NETO1: variants seen among roughly 807,000 people sequenced by gnomAD.
NETO1 encodes the protein neuropilin and tolloid like 1, also known as neuropilin and tolloid-like protein 1.
NETO1 carries 26 observed loss-of-function variants against 61.3 expected under a neutral mutation model. The ratio of observed to expected loss-of-function variants is 0.42; its 90% CI spans 0.31 to 0.59. NETO1 has a LOEUF of 0.59. NETO1 is among the 20% of genes least tolerant of loss of function. NETO1 has a pLI of 0.12. For missense variants in NETO1, 531 were observed against 662.8 expected (o/e 0.80, Z 2.18); for synonymous variants, 225 against 225.8 (o/e 1.00, Z 0.03).
At chr18:72,834,946 A>G (rs1398017531) in intron 4 of NETO1, 2 of 752,040 alleles carry the variant, frequency 2.7e-6, no homozygotes, top group African/African-American at 3.8e-5. Flanking sequence ...AAAATAATAT[A>G]TTACATAAAA....
At position 72,744,446 on chromosome 18, in the gene NETO1, A is replaced by T. The variant is rs983529751; in HGVS notation, c.*3733T>A. On this transcript the variant is annotated 3_prime_UTR_variant, in exon 11 of 11. Transcript: ENST00000327305. ...TGGGAAATATTAATTAAGTGCATAG[A>T]GATTGATAATTAACTCAAGACCTGT... 2.0e-5 allele frequency: 3 copies of T among 152,178 alleles called. No homozygotes were observed. Among genetic ancestry groups the T allele is most frequent in the African/African-American group, 7.2e-5 (3 of 41,452 alleles). The allele number at this position is 152,178 out of a possible 1,614,324, so 9.4% of individuals were successfully genotyped here.
chr18:72,798,230 T>C (rs1458979250), intron 4 of NETO1, among the ~76,000 whole-genome samples: 2 of 152,110 alleles, frequency 1.3e-5, no homozygotes, highest in African/African-American at 4.8e-5. Context: ...TCCTGTCAAG[T>C]CAGCAGCAGC....
intron 7 of NETO1, among the ~76,000 whole-genome samples, chr18:72,774,943 T>C (rs1261888889): frequency 6.6e-6 from 1 of 152,204 alleles, no homozygotes; most frequent in Admixed American, 6.5e-5. Context: ...GGTGATAATA[T>C]TGATTTTCTT....
intron 3 of NETO1, among the ~76,000 whole-genome samples, chr18:72,863,915 G>A (rs935171824): frequency 2.6e-5 from 4 of 152,048 alleles, no homozygotes; most frequent in Non-Finnish European, 5.9e-5. Context: ...CATTTTAAAC[G>A]TTGTACTTAA....
intron 10 of NETO1, among the ~76,000 whole-genome samples, chr18:72,748,526 A>G (rs1357144278): frequency 6.6e-6 from 1 of 152,152 alleles, no homozygotes; most frequent in Non-Finnish European, 1.5e-5. Flanking sequence ...TCATGCAAAA[A>G]TAAGAGTCTA....
At chr18:72,793,278 A>T (rs962474090) in intron 6 of NETO1, among the ~76,000 whole-genome samples, 4 of 152,156 alleles carry the variant, frequency 2.6e-5, no homozygotes, top group African/African-American at 9.7e-5. Flanking sequence ...ATATAAACCA[A>T]AACAGGAGAA....
At chr18:72,791,638 T>A (rs1568203311) in intron 6 of NETO1, among the ~76,000 whole-genome samples, 2 of 152,204 alleles carry the variant, frequency 1.3e-5, no homozygotes, top group Non-Finnish European at 2.9e-5. Flanking sequence ...ATTTACCAGC[T>A]GGAAGAAAAG....
chr18:72,769,495 C>T (rs901952786), intron 7 of NETO1, among the ~76,000 whole-genome samples: 6 of 152,146 alleles, frequency 3.9e-5, no homozygotes, highest in Admixed American at 3.9e-4. Context: ...AATGTACATA[C>T]TCTTGCTTTC....
intron 4 of NETO1, among the ~76,000 whole-genome samples, chr18:72,809,684 T>C (rs2072799310): frequency 6.6e-6 from 1 of 152,238 alleles, no homozygotes; most frequent in Non-Finnish European, 1.5e-5. Flanking sequence ...TCAAATACTG[T>C]TGTTGTAGCC....
At chr18:72,816,524 G>C (rs1049018883) in intron 4 of NETO1, among the ~76,000 whole-genome samples, 1 of 152,272 alleles carries the variant, frequency 6.6e-6, no homozygotes, top group East Asian at 1.9e-4. Flanking sequence ...TTGGGAGCGG[G>C]GGAAAGGGAG....
At chr18:72,834,686 C>T (rs1292534428) in intron 4 of NETO1, 8 of 984,966 alleles carry the variant, frequency 8.1e-6, no homozygotes, top group African/African-American at 1.7e-5. Flanking sequence ...AACTTTCTCT[C>T]GGAATGGGCG....
chr18:72,793,524 T>C (rs1016587958), intron 6 of NETO1, among the ~76,000 whole-genome samples: 18 of 152,136 alleles, frequency 1.2e-4, no homozygotes, highest in African/African-American at 4.3e-4. Flanking sequence ...AATCTAGACT[T>C]TTGGCAAGTT....
intron 6 of NETO1, among the ~76,000 whole-genome samples, chr18:72,785,698 A>G (rs528767299): frequency 6.6e-6 from 1 of 152,336 alleles, no homozygotes; most frequent in African/African-American, 2.4e-5. Context: ...TAATTTTTAA[A>G]AAGTCTAAAA....
At chr18:72,864,091 T>C (rs1385978999) in intron 3 of NETO1, among the ~76,000 whole-genome samples, 1 of 151,922 alleles carries the variant, frequency 6.6e-6, no homozygotes, top group Admixed American at 6.6e-5. Context: ...TGGTGGCGTA[T>C]GCCTGTGATC....
At chr18:72,790,057 A>G (rs1419416658) in intron 6 of NETO1, among the ~76,000 whole-genome samples, 2 of 152,200 alleles carry the variant, frequency 1.3e-5, no homozygotes, top group African/African-American at 2.4e-5. Flanking sequence ...AATTTGACTG[A>G]AAGTATTTTT....
chr18:72,785,676 G>C (rs957956431), intron 6 of NETO1, among the ~76,000 whole-genome samples: 1 of 152,126 alleles, frequency 6.6e-6, no homozygotes, highest in Admixed American at 6.6e-5. Context: ...GCTGAAATTT[G>C]TAACTGGTGT....
At chr18:72,795,343 A>T (rs756271357) in intron 4 of NETO1, among the ~76,000 whole-genome samples, 48 of 152,206 alleles carry the variant, frequency 3.2e-4, no homozygotes, top group Middle Eastern at 3.2e-3. Flanking sequence ...TCGTGGAATC[A>T]TGCGTTAGCC....
rs935948315 is a variant in NETO1 at position 72,830,151 on chromosome 18, T to C, written c.469+28675A>G. On this transcript the variant is annotated intron_variant, in intron 4 of 10. Coordinates refer to ENST00000327305, the MANE Select transcript of NETO1 (RefSeq NM_138966.5). The surrounding 1 kb of genome is among the most constrained non-coding windows in gnomAD (Gnocchi z 4.9). ...TATAAAACCTATGGCTTTATCATCA[T>C]AGAGGATCATGCATGTAAGCCGTCC... 4.2e-4 allele frequency among the ~76,000 whole-genome samples: 64 copies of C among 152,220 alleles called. No individual in the cohort carries two copies. The highest frequency in any genetic ancestry group is 3.4e-4 in the Non-Finnish European group (23 of 68,024).
At chr18:72,852,692 T>C (rs1391503315) in intron 4 of NETO1, among the ~76,000 whole-genome samples, 1 of 151,892 alleles carries the variant, frequency 6.6e-6, no homozygotes, top group Admixed American at 6.6e-5. Flanking sequence ...TCATTCCTCA[T>C]CCCTCCTCCT....
Sources: allele counts gnomAD v4.1 joint callset (sites outside exome capture counted in the v4.1 genomes callset), GRCh38; gene constraint gnomAD v4.1.1; non-coding constraint Gnocchi (gnomAD v3.1); transcripts MANE v1.5; gene names NCBI Gene and HGNC (gene_info 2026-07-23, HGNC 2026-07-21).